Variants in MINDY3 observed in about 807,000 individuals in gnomAD.
MINDY3 encodes ubiquitin carboxyl-terminal hydrolase MINDY-3.
MINDY3 carries 38 observed loss-of-function variants against 69.2 expected under a neutral mutation model. The observed-to-expected ratio is 0.55, with a 90% CI of 0.42 to 0.72. The LOEUF (loss-of-function observed/expected upper bound fraction) is 0.72, where lower values mean the gene tolerates loss of function less well. MINDY3 is among the 30% of genes least tolerant of loss of function. The pLI, the probability that MINDY3 is intolerant of heterozygous loss-of-function variation, is 0.00. For missense variants in MINDY3, 522 were observed against 519.0 expected (o/e 1.01, Z -0.06); for synonymous variants, 192 against 180.1 (o/e 1.07, Z -0.53).
chr10:15,796,476 G>GAAA (rs746694573), intron 10 of MINDY3, among the ~76,000 whole-genome samples: 2,780 of 138,250 alleles, frequency 0.02, 73 homozygotes, highest in African/African-American at 0.066. Context: ...AATGTAGCAT[G>GAAA]AAAAAAAAAA....
chr10:15,801,558 T>C (rs1390268017), intron 10 of MINDY3, among the ~76,000 whole-genome samples: 2 of 152,084 alleles, frequency 1.3e-5, no homozygotes, highest in Non-Finnish European at 2.9e-5. Flanking sequence ...AGTAGTTAAC[T>C]GCCCTCAAAC....
chr10:15,804,369 A>C (rs568500189), intron 10 of MINDY3, among the ~76,000 whole-genome samples: 3 of 152,234 alleles, frequency 2.0e-5, no homozygotes, highest in Admixed American at 6.5e-5. Context: ...ACCTTTTAAA[A>C]TGTTGTAACA....
intron 9 of MINDY3, among the ~76,000 whole-genome samples, chr10:15,818,819 T>A (rs1839553214): frequency 6.6e-6 from 1 of 152,154 alleles, no homozygotes; most frequent in Non-Finnish European, 1.5e-5. Context: ...AGTAGTGGTT[T>A]CCAGGGGCTG....
At chr10:15,813,587 T>A (rs2131964623) in intron 10 of MINDY3, among the ~76,000 whole-genome samples, 1 of 152,282 alleles carries the variant, frequency 6.6e-6, no homozygotes, top group South Asian at 2.1e-4. Context: ...CAGACCCATA[T>A]CTATTTTTGC....
intron 1 of MINDY3, among the ~76,000 whole-genome samples, chr10:15,851,594 C>T (rs1441428646): frequency 6.6e-6 from 1 of 152,030 alleles, no homozygotes; most frequent in Admixed American, 6.6e-5. Context: ...GGCTTCAAAA[C>T]GTATCTTTAA....
chr10:15,825,349 T>C (rs190208526), intron 8 of MINDY3, among the ~76,000 whole-genome samples: 19 of 152,340 alleles, frequency 1.2e-4, no homozygotes, highest in African/African-American at 4.6e-4. Context: ...TGTGATTATA[T>C]TCTTGTTTTC....
intron 1 of MINDY3, among the ~76,000 whole-genome samples, chr10:15,848,406 G>C (rs183135059): frequency 2.0e-5 from 3 of 151,976 alleles, no homozygotes; most frequent in Non-Finnish European, 4.4e-5. Context: ...AGGCAGAGGC[G>C]GGCGGATCAC....
chr10:15,841,781 TCAC>T (rs1363196354), intron 3 of MINDY3, among the ~76,000 whole-genome samples, 182 bp from the exon 4 acceptor site: 1 of 151,752 alleles, frequency 6.6e-6, no homozygotes, highest in African/African-American at 2.4e-5. Context: ...GATTAAAATA[TCAC>T]CACTTTAAAT....
chr10:15,814,640 T>C (rs1839230255), intron 10 of MINDY3, among the ~76,000 whole-genome samples: 2 of 152,144 alleles, frequency 1.3e-5, no homozygotes, highest in African/African-American at 2.4e-5. Context: ...CAGGGATCTA[T>C]GAATAAAAAG....
Position 15,782,144 on chromosome 10 carries a change from A to C in MINDY3, c.1188+11T>G. 1 of 1,595,544 alleles carries C rather than the reference A, an allele frequency of 6.3e-7. No individual in the cohort carries two copies. The highest frequency in any genetic ancestry group is 8.6e-7 in the Non-Finnish European group (1 of 1,165,066). ...CCAGTTGAACACCGACGACTACGTG[A>C]ATTATCATACCTTTTCATTATAATT... is the stretch of plus-strand genomic sequence containing the variant. On this transcript the variant is annotated intron_variant, in intron 14 of 14. Coordinates refer to ENST00000277632, the MANE Select transcript of MINDY3 (RefSeq NM_024948.4).
intron 8 of MINDY3, among the ~76,000 whole-genome samples, chr10:15,824,014 CT>C (rs1398857127): frequency 6.6e-6 from 1 of 152,116 alleles, no homozygotes; most frequent in Non-Finnish European, 1.5e-5. Flanking sequence ...ATTCCAGTTT[CT>C]TTATCCATTG....
chr10:15,800,846 C>T (rs1838207820), intron 10 of MINDY3, among the ~76,000 whole-genome samples: 1 of 152,084 alleles, frequency 6.6e-6, no homozygotes, highest in Admixed American at 6.5e-5. Flanking sequence ...CCTCCTTGTA[C>T]AAAAAATGCA....
At chr10:15,841,663 A>G (rs538078839) in intron 3 of MINDY3, 64 bp from the exon 4 acceptor site, 1 of 1,064,624 alleles carries the variant, frequency 9.4e-7, no homozygotes, top group Non-Finnish European at 1.3e-6. Context: ...TCTGTCATGA[A>G]TAACAATAGT....
chr10:15,786,602 T>A lies in MINDY3; in HGVS notation c.1075A>T (p.Ile359Leu), dbSNP rs764531471. The A allele has an allele frequency of 6.3e-7, 1 of 1,594,938 alleles. No individual in the cohort carries two copies. The highest frequency in any genetic ancestry group is 8.6e-7 in the Non-Finnish European group (1 of 1,163,896). Residue 359 changes from isoleucine (I) to leucine (L), a missense_variant, in exon 13 of 15, where the codon ATA (isoleucine) becomes TTA (leucine). Coordinates refer to ENST00000277632, the MANE Select transcript of MINDY3 (RefSeq NM_024948.4). ...NKLDPEGLGI[I>L]LLGPFLQEFF... is the part of the protein sequence containing the mutation. ...TCTTGAAGAAATGGGCCCAATAATA[T>A]GATTCCTAATCCTTCTGGATCTAAT...
chr10:15,790,202 G>A (rs1484927896), intron 11 of MINDY3, among the ~76,000 whole-genome samples: 1 of 151,986 alleles, frequency 6.6e-6, no homozygotes, highest in Admixed American at 6.6e-5. Flanking sequence ...TTCAGGGTGT[G>A]GAATTGTACA....
chr10:15,789,683 C>CAATTCAATTAAAATAATTCTTTA (rs1477906575), intron 11 of MINDY3, among the ~76,000 whole-genome samples: 11 of 152,204 alleles, frequency 7.2e-5, no homozygotes, highest in African/African-American at 2.6e-4. Flanking sequence ...TTGCATTTAA[C>CAATTCAATTAAAATAATTCTTTA]AATTCAATTA....
At chr10:15,786,131 C>A (rs140053936) in intron 13 of MINDY3, among the ~76,000 whole-genome samples, 1 of 152,124 alleles carries the variant, frequency 6.6e-6, no homozygotes, top group Admixed American at 6.5e-5. Flanking sequence ...CAATGGGAAA[C>A]GGCCCAGACC....
chr10:15,833,175 T>C (rs1032648030), intron 8 of MINDY3, among the ~76,000 whole-genome samples: 2 of 152,006 alleles, frequency 1.3e-5, no homozygotes, highest in Admixed American at 6.6e-5. Flanking sequence ...AGTGGAAGAG[T>C]TGGTAATTTA....
chr10:15,837,314 T>C lies in MINDY3; in HGVS notation c.466A>G (p.Arg156Gly). ...AATTCTGGTAAACTTCTGAACGATC[T>C]TTTTCTGGGGGAAAAAAAGAATTAA... The part of the protein sequence containing the change: ...FERFHALIQK[R>G]SFRSLPELKD... Residue 156 changes from arginine (R) to glycine (G), a missense_variant, in exon 6 of 15, where the codon AGA becomes GGA. By Grantham distance (125) the Arg-to-Gly change is moderately radical. Coordinates refer to ENST00000277632, the MANE Select transcript of MINDY3 (RefSeq NM_024948.4). 2 of 1,584,718 alleles carry C rather than the reference T, an allele frequency of 1.3e-6. No individual in the cohort carries two copies. Among genetic ancestry groups the C allele is most frequent in the South Asian group, 2.3e-5 (2 of 86,738 alleles).
Sources: gnomAD v4.1 joint callset for allele counts (sites outside exome capture counted in the v4.1 genomes callset) on GRCh38, gnomAD v4.1.1 for gene constraint, MANE v1.5 for transcripts, NCBI Gene and HGNC (gene_info 2026-07-23, HGNC 2026-07-21) for gene names.